RBP7: variants seen among roughly 807,000 people sequenced by gnomAD.
RBP7 encodes retinol binding protein 7.
RBP7 carries 13 observed loss-of-function variants against 16.7 expected under a neutral mutation model. That is an observed-to-expected ratio of 0.78 (90% CI 0.51 to 1.24). RBP7 has a LOEUF of 1.24. Ranked by LOEUF, RBP7 falls within the 50% of genes most tolerant of loss-of-function variation. The pLI is 0.00. For missense variants in RBP7, 145 were observed against 159.5 expected (o/e 0.91, Z 0.49); for synonymous variants, 54 against 56.2 (o/e 0.96, Z 0.17).
At chr1:10,009,722 G>C (rs1642563890) in intron 3 of RBP7, among the ~76,000 whole-genome samples, 1 of 149,996 alleles carries the variant, frequency 6.7e-6, no homozygotes, top group Non-Finnish European at 1.5e-5. Context: ...AGCAGAAACG[G>C]GATTTTACCA....
At chr1:10,006,267 G>A (rs1264757459) in intron 1 of RBP7, among the ~76,000 whole-genome samples, 4 of 152,126 alleles carry the variant, frequency 2.6e-5, no homozygotes, top group Non-Finnish European at 5.9e-5. Context: ...AGCACTTTGG[G>A]AGGCTGAGGT....
intron 3 of RBP7, among the ~76,000 whole-genome samples, chr1:10,009,398 G>A (rs1204356066): frequency 2.0e-5 from 3 of 151,108 alleles, no homozygotes; most frequent in East Asian, 1.9e-4. Flanking sequence ...GACAGAGGCC[G>A]TTTCAAAAAA....
intron 1 of RBP7, chr1:10,007,324 T>G: frequency 2.3e-6 from 1 of 441,072 alleles, no homozygotes; most frequent in Non-Finnish European, 4.1e-6. Flanking sequence ...GCTCAAACAA[T>G]CCTCCTGTCT....
intron 1 of RBP7, among the ~76,000 whole-genome samples, chr1:9,998,407 C>CTTTTTTTTTTTTTTT (rs772810621): frequency 1.6e-5 from 2 of 121,588 alleles, no homozygotes; most frequent in African/African-American, 6.7e-5. Context: ...TTCTTTCTTT[C>CTTTTTTTTTTTTTTT]TTTTTTTTTT....
intron 1 of RBP7, among the ~76,000 whole-genome samples, chr1:9,998,477 G>A (rs888231295): frequency 7.4e-6 from 1 of 135,260 alleles, no homozygotes; most frequent in Non-Finnish European, 1.5e-5. Flanking sequence ...GTACGATCTC[G>A]GCTCACTGCA....
intron 1 of RBP7, among the ~76,000 whole-genome samples, chr1:10,003,292 G>T (rs546751380): frequency 3.9e-5 from 6 of 152,158 alleles, no homozygotes; most frequent in Non-Finnish European, 7.3e-5. Context: ...TGGGCGTGGT[G>T]GTGGGCACCT....
In RBP7 at chr1:10,015,767, C is replaced by A. The variant is rs1180733353; in HGVS notation, c.355-15C>A. The A allele has an allele frequency of 6.2e-7, 1 of 1,612,596 alleles. No homozygotes were observed. The highest frequency in any genetic ancestry group is 8.5e-7 in the Non-Finnish European group (1 of 1,178,800). On this transcript the variant is annotated splice_polypyrimidine_tract_variant and intron_variant, in intron 3 of 3. Transcript: ENST00000294435. ...CAAACTGATCCTTCTTTTTCCCTTC[C>A]TCCTTACGCCCTAGGAAATGTTCTG...
intron 1 of RBP7, among the ~76,000 whole-genome samples, chr1:10,001,479 A>C (rs1642276199): frequency 6.6e-6 from 1 of 151,698 alleles, no homozygotes. Context: ...CCAATTTTTC[A>C]ATTTTTTTGT....
chr1:10,006,776 G>T (rs182014372), intron 1 of RBP7, among the ~76,000 whole-genome samples: 3 of 150,600 alleles, frequency 2.0e-5, no homozygotes, highest in African/African-American at 7.4e-5. Context: ...GAGAGAGAGA[G>T]AGAGAGAGGT....
At chr1:10,015,755 CT>C (rs1190505258) in intron 3 of RBP7, 26 bp from the exon 4 acceptor site, 4 of 1,609,276 alleles carry the variant, frequency 2.5e-6, no homozygotes, top group Non-Finnish European at 1.7e-6. Flanking sequence ...ACTGATCCTT[CT>C]TTTTCCCTTC....
intron 1 of RBP7, among the ~76,000 whole-genome samples, chr1:10,002,814 G>C (rs748943029): frequency 3.3e-5 from 5 of 152,070 alleles, no homozygotes; most frequent in Admixed American, 6.6e-5. Flanking sequence ...CAGAACTTAT[G>C]CTAATTCAAA....
In RBP7 at chr1:9,997,255, G is replaced by T. The variant is rs1642191101; in HGVS notation, c.-4G>T. 1 of 1,387,976 alleles carries T rather than the reference G, an allele frequency of 7.2e-7. No individual in the cohort carries two copies. Among genetic ancestry groups the T allele is most frequent in the Non-Finnish European group, 9.6e-7 (1 of 1,042,406 alleles). 86.0% of individuals were successfully genotyped at this position (1,387,976 alleles called of 1,614,324 possible). ...CCGCCGGGTTTGTCCCGCGATCCCC[G>T]ACCATGCCCGCCGACCTCAGCGGTA... On this transcript the variant is annotated 5_prime_UTR_variant, in exon 1 of 4. Transcript: ENST00000294435. The surrounding 1 kb of genome is among the most constrained non-coding windows in gnomAD (Gnocchi z 5.9).
At position 9,997,388 on chromosome 1, in the gene RBP7, G is replaced by A; in HGVS notation, c.73+57G>A. 6.4e-7 allele frequency: 1 copy of A among 1,557,378 alleles called. No individual in the cohort carries two copies. The highest frequency in any genetic ancestry group is 8.8e-7 in the Non-Finnish European group (1 of 1,134,000). On this transcript the variant is annotated intron_variant, in intron 1 of 3. Transcript: ENST00000294435. This position sits in a 1 kb window ranked among gnomAD's most constrained non-coding sequence, Gnocchi z 5.9. ...GGCTCGCCGTGGGTCTCGGGATCAGGCGAAGGCGGCCGGGCCGGGCCTGTA... is the reference window on the plus strand; with the variant it reads ...GGCTCGCCGTGGGTCTCGGGATCAGACGAAGGCGGCCGGGCCGGGCCTGTA...
intron 1 of RBP7, among the ~76,000 whole-genome samples, chr1:10,002,690 G>A (rs1037091420): frequency 1.1e-4 from 16 of 151,972 alleles, no homozygotes; most frequent in Admixed American, 5.3e-4. Context: ...TTTTGGTAGA[G>A]ATGCGGTTTC....
At chr1:10,015,373 T>A (rs765538702) in intron 3 of RBP7, among the ~76,000 whole-genome samples, 27 of 151,160 alleles carry the variant, frequency 1.8e-4, no homozygotes, top group Non-Finnish European at 2.8e-4. Context: ...GCAATTCCGC[T>A]TAAAGGCAGA....
chr1:10,006,764 T>G (rs12022346), intron 1 of RBP7, among the ~76,000 whole-genome samples: 35,833 of 140,882 alleles, frequency 0.25, 4,993 homozygotes, highest in African/African-American at 0.38. Flanking sequence ...TATATATATA[T>G]AGAGAGAGAG....
chr1:10,006,696 G>GA (rs528143340), intron 1 of RBP7, among the ~76,000 whole-genome samples: 24 of 125,040 alleles, frequency 1.9e-4, no homozygotes, highest in South Asian at 2.5e-4. Context: ...CTGTGTCTCG[G>GA]AAAAAAAAAA....
intron 2 of RBP7, 25 bp downstream of exon 2, chr1:10,007,773 G>A (rs1340061680): frequency 1.9e-6 from 3 of 1,606,792 alleles, no homozygotes; most frequent in Non-Finnish European, 2.6e-6. Context: ...AATGCCAGGT[G>A]CGGTGGATTA....
In RBP7 at chr1:10,001,667, GC is replaced by G. The variant is rs1642281987; in HGVS notation, c.73+4340del. On this transcript the variant is annotated intron_variant, in intron 1 of 3. Coordinates refer to ENST00000294435, the MANE Select transcript of RBP7 (RefSeq NM_052960.3). The stretch of plus-strand genomic sequence containing the variant: ...AGGTGCGTGCTTCAGAAATGGAGAA[GC>G]CCCATGTTAATGCCCACAGATATTG... Among the ~76,000 whole-genome samples, 4 of 152,060 alleles carry G rather than the reference GC, an allele frequency of 2.6e-5. No homozygotes were observed. In the South Asian group the frequency reaches 8.3e-4, roughly 31 times the overall value.
Sources: allele counts gnomAD v4.1 joint callset (sites outside exome capture counted in the v4.1 genomes callset), GRCh38; gene constraint gnomAD v4.1.1; non-coding constraint Gnocchi (gnomAD v3.1); transcripts MANE v1.5; gene names NCBI Gene and HGNC (gene_info 2026-07-23, HGNC 2026-07-21).